The following SMYD3 variants were observed in gnomAD, a reference collection of about 807,000 sequenced individuals.
SMYD3 encodes the protein SET and MYND domain containing 3.
A neutral mutation model predicts 57.7 loss-of-function variants in SMYD3; 36 were observed. The ratio of observed to expected loss-of-function variants is 0.62; its 90% CI spans 0.48 to 0.82. The LOEUF is 0.82. SMYD3 is among the 40% of genes least tolerant of loss of function. SMYD3 has a pLI of 0.00. For missense variants in SMYD3, 515 were observed against 538.8 expected (o/e 0.96, Z 0.44); for synonymous variants, 211 against 195.0 (o/e 1.08, Z -0.68).
chr1:245,767,306 G>C (rs2046157071), intron 10 of SMYD3, among the ~76,000 whole-genome samples: 1 of 152,198 alleles, frequency 6.6e-6, no homozygotes, highest in Non-Finnish European at 1.5e-5. Flanking sequence ...GAGAAGGTGA[G>C]GGGAAGATGC....
chr1:245,897,911 G>T (rs1380881320), intron 8 of SMYD3, among the ~76,000 whole-genome samples: 1 of 151,442 alleles, frequency 6.6e-6, no homozygotes, highest in African/African-American at 2.4e-5. Context: ...AAAAAAAAAA[G>T]TATTGTCAAT....
At chr1:245,912,476 C>T (rs577415554) in intron 8 of SMYD3, among the ~76,000 whole-genome samples, 14 of 151,944 alleles carry the variant, frequency 9.2e-5, no homozygotes, top group East Asian at 7.7e-4. Context: ...AAAATACCAA[C>T]GATATTCTTC....
chr1:246,142,929 T>C (rs1379473173), intron 5 of SMYD3, among the ~76,000 whole-genome samples: 4 of 152,098 alleles, frequency 2.6e-5, no homozygotes, highest in Admixed American at 6.5e-5. Context: ...TTCATGGAGA[T>C]AAACACGAGG....
chr1:246,248,424 C>T (rs1231407037), intron 5 of SMYD3, among the ~76,000 whole-genome samples: 1 of 152,116 alleles, frequency 6.6e-6, no homozygotes, highest in Non-Finnish European at 1.5e-5. Context: ...TGTCTCCCAA[C>T]AGAGACTTTT....
chr1:245,987,303 T>A (rs533748165), intron 5 of SMYD3, among the ~76,000 whole-genome samples: 3 of 152,176 alleles, frequency 2.0e-5, no homozygotes, highest in Non-Finnish European at 4.4e-5. Flanking sequence ...CCCAGAGAAA[T>A]GTCACACTCA....
chr1:246,420,116 T>C (rs1443683660), intron 1 of SMYD3, among the ~76,000 whole-genome samples: 1 of 152,054 alleles, frequency 6.6e-6, no homozygotes, highest in African/African-American at 2.4e-5. Flanking sequence ...GAAGAATCAC[T>C]TGAACCCAGG....
intron 10 of SMYD3, among the ~76,000 whole-genome samples, chr1:245,813,252 A>G (rs868806029): frequency 6.6e-6 from 1 of 151,970 alleles, no homozygotes; most frequent in Non-Finnish European, 1.5e-5. Context: ...TGACTTTGGG[A>G]TCCACCTGCC....
chr1:246,150,848 T>G (rs1488827063), intron 5 of SMYD3, among the ~76,000 whole-genome samples: 1 of 152,108 alleles, frequency 6.6e-6, no homozygotes, highest in Non-Finnish European at 1.5e-5. Context: ...AGCCAAGAAG[T>G]CTTAAACATC....
At chr1:245,915,715 G>A in intron 7 of SMYD3, 75 bp from the exon 8 acceptor site, 1 of 941,384 alleles carries the variant, frequency 1.1e-6, no homozygotes, top group Non-Finnish European at 1.6e-6. Context: ...TATTATTATT[G>A]CTAATTATTG....
At chr1:245,929,204 A>T (rs2147843608) in intron 6 of SMYD3, among the ~76,000 whole-genome samples, 1 of 152,354 alleles carries the variant, frequency 6.6e-6, no homozygotes, top group South Asian at 2.1e-4. Flanking sequence ...AGAACCACCT[A>T]CCAGTAGACC....
chr1:245,855,984 G>A (rs1276207338), intron 10 of SMYD3, among the ~76,000 whole-genome samples: 3 of 152,212 alleles, frequency 2.0e-5, no homozygotes, highest in Non-Finnish European at 2.9e-5. Flanking sequence ...TTGGCTAAAG[G>A]TGAGCAAAAG....
intron 1 of SMYD3, among the ~76,000 whole-genome samples, chr1:246,411,079 T>C (rs2102985070): frequency 6.6e-6 from 1 of 152,284 alleles, no homozygotes; most frequent in Non-Finnish European, 1.5e-5. Context: ...TTAGTCTTGC[T>C]AGCAGTCTAT....
chr1:246,044,673 T>A (rs1191152291), intron 5 of SMYD3, among the ~76,000 whole-genome samples: 1 of 152,094 alleles, frequency 6.6e-6, no homozygotes, highest in Non-Finnish European at 1.5e-5. Flanking sequence ...GGTAATGAGG[T>A]CCCATATGTA....
intron 5 of SMYD3, among the ~76,000 whole-genome samples, chr1:246,000,154 C>A (rs749467488): frequency 2.6e-5 from 4 of 152,140 alleles, no homozygotes; most frequent in Non-Finnish European, 4.4e-5. Flanking sequence ...ATAAATCATG[C>A]GGCTTGGGTT....
At chr1:246,472,729 G>A (rs1197411836) in intron 1 of SMYD3, among the ~76,000 whole-genome samples, 1 of 151,902 alleles carries the variant, frequency 6.6e-6, no homozygotes, top group Admixed American at 6.6e-5. Flanking sequence ...GGGTGACAGA[G>A]CAAGATCCTG....
rs528949132 is a variant in SMYD3 at position 246,507,244 on chromosome 1, G to C, written c.-27C>G. The C allele has an allele frequency of 1.4e-6, 2 of 1,477,328 alleles. No individual in the cohort carries two copies. Among genetic ancestry groups the C allele is most frequent in the Non-Finnish European group, 9.0e-7 (1 of 1,107,792 alleles). 91.5% of individuals were successfully genotyped at this position (1,477,328 alleles called of 1,614,324 possible). On this transcript the variant is annotated 5_prime_UTR_variant, in exon 1 of 12. Coordinates refer to ENST00000490107, the MANE Select transcript of SMYD3 (RefSeq NM_001167740.2). ...CTCCCGCAGCTCCGGCACCTCAGAC[G>C]GCTACCCGCGTCCAGCAGCGGGCGT...
intron 5 of SMYD3, among the ~76,000 whole-genome samples, chr1:246,114,025 G>C (rs192955614): frequency 6.6e-6 from 1 of 152,262 alleles, no homozygotes; most frequent in East Asian, 1.9e-4. Context: ...TATTTCTTGG[G>C]GAGGCTGTGC....
At chr1:245,751,578 AAGAGAGAGAGAGAGAAAGAG>A (rs1335240617) in intron 11 of SMYD3, among the ~76,000 whole-genome samples, 10,501 of 113,262 alleles carry the variant, frequency 0.093, 1,269 homozygotes, top group African/African-American at 0.36. Context: ...GAGAAAGAGA[AAGAGAGAGAGAGAGAAAGAG>A]AGAGAGAGAA....
chr1:246,130,152 T>C (rs1487404719), intron 5 of SMYD3, among the ~76,000 whole-genome samples: 4 of 152,304 alleles, frequency 2.6e-5, no homozygotes, highest in East Asian at 1.9e-4. Context: ...TTTTCTATCA[T>C]CATAGAATTC....
Sources: allele counts gnomAD v4.1 joint callset (sites outside exome capture counted in the v4.1 genomes callset), GRCh38; gene constraint gnomAD v4.1.1; transcripts MANE v1.5; gene names NCBI Gene and HGNC (gene_info 2026-07-23, HGNC 2026-07-21).